SLC66A1: variants seen among roughly 807,000 people sequenced by gnomAD.
The protein encoded by SLC66A1 is solute carrier family 66 member 1, also known as lysosomal amino acid transporter 1 homolog.
SLC66A1 carries 23 observed loss-of-function variants against 33.0 expected under a neutral mutation model. That is an observed-to-expected ratio of 0.70 (90% CI 0.50 to 0.99). SLC66A1 has a LOEUF of 0.99. SLC66A1 is among the 50% of genes least tolerant of loss of function. The pLI, the probability that SLC66A1 is intolerant of heterozygous loss-of-function variation, is 0.00. For synonymous variants in SLC66A1, 164 were observed against 175.5 expected (o/e 0.93, Z 0.52); for missense variants, 335 against 383.6 (o/e 0.87, Z 1.06).
intron 2 of SLC66A1, among the ~76,000 whole-genome samples, chr1:19,322,598 A>G (rs181396944): frequency 5.9e-5 from 9 of 152,300 alleles, no homozygotes; most frequent in Admixed American, 4.6e-4. Flanking sequence ...CAAGTGTTTC[A>G]AAGGAGGAAG....
intron 2 of SLC66A1, among the ~76,000 whole-genome samples, chr1:19,321,169 CTTTT>C (rs71577887): frequency 3.7e-5 from 3 of 82,112 alleles, no homozygotes; most frequent in East Asian, 6.6e-4. Context: ...CTTATCTCTT[CTTTT>C]TTTTTTTTTT....
Position 19,328,505 on chromosome 1 carries a change from C to A in SLC66A1, c.805-67C>A. 1.4e-6 allele frequency: 2 copies of A among 1,472,302 alleles called. 1 individual carries two copies. Among genetic ancestry groups the A allele is most frequent in the South Asian group, 2.4e-5 (2 of 83,356 alleles). 91.2% of individuals were successfully genotyped at this position (1,472,302 alleles called of 1,614,324 possible). A position where few individuals can be genotyped will look rare whatever the true frequency, so the allele number is the denominator to read the frequency against. On this transcript the variant is annotated intron_variant, in intron 7 of 7. Transcript: ENST00000375153. This position sits in a 1 kb window ranked among gnomAD's most constrained non-coding sequence, Gnocchi z 4.7. ...GGAGAGGGAGGCAGCTCCCAGGAGTCGAAGGCCCCCAGGGGCAGGTCCAAC... is the reference window on the plus strand; with the variant it reads ...GGAGAGGGAGGCAGCTCCCAGGAGTAGAAGGCCCCCAGGGGCAGGTCCAAC...
chr1:19,332,382 A>G (rs888654664), downstream of SLC66A1, among the ~76,000 whole-genome samples: 2 of 152,214 alleles, frequency 1.3e-5, no homozygotes, highest in Non-Finnish European at 2.9e-5. Flanking sequence ...AGCACCTGGC[A>G]CACAGTAAGT....
downstream of SLC66A1, among the ~76,000 whole-genome samples, chr1:19,331,973 A>G (rs1569821561): frequency 1.3e-5 from 2 of 152,164 alleles, no homozygotes; most frequent in East Asian, 1.9e-4. Flanking sequence ...TGGGGAAGAC[A>G]TGGCCCCTCC....
chr1:19,320,595 T>G (rs978882837), intron 2 of SLC66A1, among the ~76,000 whole-genome samples: 5 of 150,740 alleles, frequency 3.3e-5, no homozygotes, highest in Non-Finnish European at 7.4e-5. Context: ...TTGTATTTTT[T>G]TAGTAGAGAC....
chr1:19,320,802 T>C lies in SLC66A1; in HGVS notation c.164+2961T>C, dbSNP rs2152004992. ...ATCTTGGCTCACTGTAACCTCTGCCTCCCGGGTTCAAGCGATTCTCCTGCC... is the reference window on the plus strand; with the variant it reads ...ATCTTGGCTCACTGTAACCTCTGCCCCCCGGGTTCAAGCGATTCTCCTGCC... On this transcript the variant is annotated intron_variant, in intron 2 of 7. Coordinates refer to ENST00000375153, the MANE Select transcript of SLC66A1 (RefSeq NM_001040125.2). 2.0e-5 allele frequency among the ~76,000 whole-genome samples: 3 copies of C among 149,174 alleles called. No homozygotes were observed. In the South Asian group the frequency reaches 6.3e-4, roughly 31 times the overall value.
downstream of SLC66A1, among the ~76,000 whole-genome samples, chr1:19,334,216 T>G (rs2093898977): frequency 6.6e-6 from 1 of 152,184 alleles, no homozygotes; most frequent in African/African-American, 2.4e-5. Context: ...CGCTGAATGT[T>G]TGGTGAATGA....
chr1:19,332,960 C>G (rs1280614910), downstream of SLC66A1, among the ~76,000 whole-genome samples: 1 of 152,208 alleles, frequency 6.6e-6, no homozygotes, highest in Non-Finnish European at 1.5e-5. Flanking sequence ...TTGGCAGGTT[C>G]TGTTTTACCT....
In SLC66A1 at chr1:19,320,811, C is replaced by A. The variant is rs1410484004; in HGVS notation, c.164+2970C>A. ...CACTGTAACCTCTGCCTCCCGGGTT[C>A]AAGCGATTCTCCTGCCTCAGCCTCC... On this transcript the variant is annotated intron_variant, in intron 2 of 7. Transcript: ENST00000375153. 1.3e-5 allele frequency among the ~76,000 whole-genome samples: 2 copies of A among 149,538 alleles called. 1 individual carries two copies. Among genetic ancestry groups the A allele is most frequent in the African/African-American group, 5.1e-5 (2 of 39,058 alleles).
intron 3 of SLC66A1, 25 bp from the exon 4 acceptor site, chr1:19,325,470 C>G (rs200399804): frequency 1.7e-4 from 257 of 1,548,760 alleles, no homozygotes; most frequent in Non-Finnish European, 2.2e-4. Flanking sequence ...TGCGCCAACC[C>G]CTGGGCCCCC....
chr1:19,329,772 AGAG>A (rs1444499048), downstream of SLC66A1, among the ~76,000 whole-genome samples: 4 of 152,198 alleles, frequency 2.6e-5, no homozygotes, highest in African/African-American at 9.7e-5. Flanking sequence ...TAGTTGGAGA[AGAG>A]GAGCAACCAG....
At chr1:19,317,558 G>C in intron 1 of SLC66A1, 42 bp from the exon 2 acceptor site, 1 of 1,499,374 alleles carries the variant, frequency 6.7e-7, no homozygotes, top group Non-Finnish European at 8.8e-7. Flanking sequence ...AATAGGACCT[G>C]GACCTCCCAG....
chr1:19,317,331 G>C (rs944261129), intron 1 of SLC66A1, among the ~76,000 whole-genome samples: 4 of 152,180 alleles, frequency 2.6e-5, no homozygotes, highest in African/African-American at 9.7e-5. Flanking sequence ...AGTCTAGCAT[G>C]AATGGGTGAT....
At chr1:19,319,174 G>A (rs576842057) in intron 2 of SLC66A1, among the ~76,000 whole-genome samples, 55 of 152,334 alleles carry the variant, frequency 3.6e-4, no homozygotes, top group African/African-American at 1.3e-3. Flanking sequence ...CCCATTCAGT[G>A]TACAGTCATT....
At chr1:19,318,308 G>A (rs1048541984) in intron 2 of SLC66A1, among the ~76,000 whole-genome samples, 2 of 152,318 alleles carry the variant, frequency 1.3e-5, no homozygotes, top group South Asian at 2.1e-4. Context: ...TGACAGTCTC[G>A]TGGTGGAGAC....
intron 1 of SLC66A1, among the ~76,000 whole-genome samples, chr1:19,314,914 TG>T (rs1288802412): frequency 6.6e-6 from 1 of 151,822 alleles, no homozygotes; most frequent in Non-Finnish European, 1.5e-5. Flanking sequence ...TGTTTGTTTG[TG>T]TTTTGTTTTG....
intron 1 of SLC66A1, chr1:19,313,246 C>T (rs2093786841): frequency 1.0e-6 from 1 of 985,268 alleles, no homozygotes; most frequent in Admixed American, 6.1e-5. Flanking sequence ...TCTCCTCAAC[C>T]CTGGGCTGTT....
In SLC66A1 at chr1:19,328,667, G is replaced by A. The variant is rs2093882576; in HGVS notation, c.*24G>A. Reference sequence around the variant, plus strand: ...GACCAGAACCAGGCTGAGCGCAGGAGGACAGGCACCACCGGATGCCACACC... The same window carrying A: ...GACCAGAACCAGGCTGAGCGCAGGAAGACAGGCACCACCGGATGCCACACC... On this transcript the variant is annotated 3_prime_UTR_variant, in exon 8 of 8. Coordinates refer to ENST00000375153, the MANE Select transcript of SLC66A1 (RefSeq NM_001040125.2). This position sits in a 1 kb window ranked among gnomAD's most constrained non-coding sequence, Gnocchi z 4.7. 6.2e-7 allele frequency: 1 copy of A among 1,610,454 alleles called. No individual in the cohort carries two copies. Among genetic ancestry groups the A allele is most frequent in the Non-Finnish European group, 8.5e-7 (1 of 1,177,778 alleles).
chr1:19,316,331 G>C (rs2151997862), intron 1 of SLC66A1, among the ~76,000 whole-genome samples: 1 of 151,642 alleles, frequency 6.6e-6, no homozygotes. Flanking sequence ...TGCCTCATCT[G>C]TGTGGGGCAA....
Sources: allele counts gnomAD v4.1 joint callset (sites outside exome capture counted in the v4.1 genomes callset), GRCh38; gene constraint gnomAD v4.1.1; non-coding constraint Gnocchi (gnomAD v3.1); transcripts MANE v1.5; gene names NCBI Gene and HGNC (gene_info 2026-07-23, HGNC 2026-07-21).